The following THSD4 variants were observed in gnomAD, a reference collection of about 807,000 sequenced individuals.
The protein encoded by THSD4 is thrombospondin type-1 domain-containing protein 4.
Under a neutral mutation model 119.0 loss-of-function variants are expected in THSD4, and 69 were observed. The ratio of observed to expected loss-of-function variants is 0.58; its 90% CI spans 0.48 to 0.71. THSD4 has a LOEUF of 0.71. Among genes scored for constraint, THSD4 ranks in the 30% least tolerant of loss-of-function variants. The pLI, the probability that THSD4 is intolerant of heterozygous loss-of-function variation, is 0.00. For missense variants in THSD4, 1,393 were observed against 1,391.1 expected (o/e 1.00, Z -0.02); for synonymous variants, 524 against 540.4 (o/e 0.97, Z 0.42).
chr15:71,615,972 G>C (rs1248401017), intron 7 of THSD4, among the ~76,000 whole-genome samples: 2 of 152,188 alleles, frequency 1.3e-5, no homozygotes, highest in Non-Finnish European at 2.9e-5. Context: ...GAGGCTCCTT[G>C]AGAGCAGAAA....
intron 6 of THSD4, among the ~76,000 whole-genome samples, chr15:71,305,297 C>G (rs550624936): frequency 6.2e-5 from 9 of 144,046 alleles, no homozygotes; most frequent in Admixed American, 3.4e-4. Context: ...GGACCCCCTG[C>G]GATCTACTCT....
At chr15:71,665,347 GT>G (rs71154792) in intron 8 of THSD4, among the ~76,000 whole-genome samples, 142,758 of 151,878 alleles carry the variant, frequency 0.94, 67,746 homozygotes, top group East Asian at 1. Context: ...TAATGGGGTT[GT>G]TTTTTTTTCC....
intron 8 of THSD4, among the ~76,000 whole-genome samples, chr15:71,721,073 T>C (rs946472814): frequency 3.3e-5 from 5 of 152,136 alleles, no homozygotes; most frequent in African/African-American, 1.2e-4. Flanking sequence ...GGCATTAAGA[T>C]TATGGGATTA....
intron 7 of THSD4, among the ~76,000 whole-genome samples, chr15:71,629,313 A>G (rs1206292386): frequency 6.6e-6 from 1 of 152,168 alleles, no homozygotes; most frequent in African/African-American, 2.4e-5. Flanking sequence ...GATTGCAACA[A>G]ACTGGGCCTC....
At position 71,215,125 on chromosome 15, in the gene THSD4, G is replaced by A; in HGVS notation, c.190G>A (p.Ala64Thr). 1.5e-6 allele frequency: 2 copies of A among 1,364,854 alleles called. No individual in the cohort carries two copies. Among genetic ancestry groups the A allele is most frequent in the East Asian group, 3.2e-5 (1 of 31,400 alleles). The allele number at this position is 1,364,854 out of a possible 1,614,324, so 84.5% of individuals were successfully genotyped here. The change falls in exon 4 of 18, where the codon GCC becomes ACC. Residue 64 changes from alanine to threonine, a missense_variant. By Grantham distance (58) the Ala-to-Thr change is moderately conservative (BLOSUM62 0). Coordinates refer to ENST00000261862, the MANE Select transcript of THSD4 (RefSeq NM_024817.3). ...GTGGGGCGCCTGGGGCCCCTGGTCG[G>A]CCTGCTCGCGTAGCTGCAGCGGCGG... ...GVWGAWGPWS[A>T]CSRSCSGGVM...
intron 3 of THSD4, among the ~76,000 whole-genome samples, chr15:71,169,072 C>T (rs2043325296): frequency 6.6e-6 from 1 of 152,036 alleles, no homozygotes; most frequent in South Asian, 2.1e-4. Flanking sequence ...GATTTTTATT[C>T]AGAATATATA....
At chr15:71,335,949 G>T (rs995842080) in intron 6 of THSD4, among the ~76,000 whole-genome samples, 1 of 152,178 alleles carries the variant, frequency 6.6e-6, no homozygotes, top group African/African-American at 2.4e-5. Flanking sequence ...GTCGGGGAAT[G>T]ATGTGGAAGG....
At chr15:71,216,181 A>G (rs2043930940) in intron 4 of THSD4, among the ~76,000 whole-genome samples, 2 of 152,254 alleles carry the variant, frequency 1.3e-5, no homozygotes, top group African/African-American at 4.8e-5. Context: ...GGAGAATACT[A>G]ATGCAAAAAC....
At chr15:71,660,848 G>C in intron 8 of THSD4, 114 bp downstream of exon 8, 1 of 1,190,212 alleles carries the variant, frequency 8.4e-7, no homozygotes. Flanking sequence ...TGCAGGCAGT[G>C]CCCCTGGGGA....
At chr15:71,563,175 C>T (rs1299571567) in intron 7 of THSD4, among the ~76,000 whole-genome samples, 1 of 152,128 alleles carries the variant, frequency 6.6e-6, no homozygotes, top group East Asian at 1.9e-4. Flanking sequence ...TGCGTGAGTA[C>T]AGCGCATGTT....
At chr15:71,436,012 C>A (rs1595764769) in intron 7 of THSD4, among the ~76,000 whole-genome samples, 1 of 152,188 alleles carries the variant, frequency 6.6e-6, no homozygotes, top group South Asian at 2.1e-4. Context: ...GAAAATCACA[C>A]CCCCAGAGGC....
At chr15:71,394,463 G>A (rs2046418823) in intron 6 of THSD4, among the ~76,000 whole-genome samples, 1 of 152,056 alleles carries the variant, frequency 6.6e-6, no homozygotes, top group African/African-American at 2.4e-5. Flanking sequence ...AGTAGAGACG[G>A]TGTTTCACCA....
chr15:71,242,838 C>A lies in THSD4; in HGVS notation c.654C>A (p.Val218=). The change falls in exon 5 of 18, where the codon GTC becomes GTA. Residue 218 remains valine, a synonymous_variant. Coordinates refer to ENST00000261862, the MANE Select transcript of THSD4 (RefSeq NM_024817.3). The part of the protein sequence containing the change: ...RHGYSSPAHQ[V]PQHGPLYQSD... ...GCTACAGTTCACCAGCCCACCAGGTCCCCCAACATGGGCCTTTGTACCAAA... is the reference window on the plus strand; with the variant it reads ...GCTACAGTTCACCAGCCCACCAGGTACCCCAACATGGGCCTTTGTACCAAA... The A allele has an allele frequency of 6.2e-7, 1 of 1,614,212 alleles. No individual in the cohort carries two copies. Among genetic ancestry groups the A allele is most frequent in the Non-Finnish European group, 8.5e-7 (1 of 1,180,036 alleles).
At chr15:71,285,285 C>A (rs1187180219) in intron 6 of THSD4, among the ~76,000 whole-genome samples, 1 of 152,144 alleles carries the variant, frequency 6.6e-6, no homozygotes, top group Non-Finnish European at 1.5e-5. Flanking sequence ...AGCCTCCCAG[C>A]CAACTGGAAG....
intron 7 of THSD4, among the ~76,000 whole-genome samples, chr15:71,629,276 CA>C (rs1226058658): frequency 1.2e-4 from 19 of 152,330 alleles, no homozygotes; most frequent in African/African-American, 4.6e-4. Context: ...TGACAGCCTT[CA>C]GGTCTCCCAG....
At chr15:71,703,609 G>A (rs2052335174) in intron 8 of THSD4, among the ~76,000 whole-genome samples, 1 of 152,142 alleles carries the variant, frequency 6.6e-6, no homozygotes. Flanking sequence ...ACTGGGGACA[G>A]GGCCTCAAGG....
intron 2 of THSD4, among the ~76,000 whole-genome samples, chr15:71,145,400 T>G (rs2040647937): frequency 6.6e-6 from 1 of 152,122 alleles, no homozygotes; most frequent in African/African-American, 2.4e-5. Flanking sequence ...TGAGGGAGAC[T>G]TCTGGATTAT....
intron 8 of THSD4, among the ~76,000 whole-genome samples, chr15:71,715,948 C>T (rs1177102336): frequency 1.3e-5 from 2 of 152,146 alleles, no homozygotes; most frequent in Non-Finnish European, 2.9e-5. Context: ...GTATTAGTTA[C>T]CTGTGGCTGC....
chr15:71,464,773 C>T (rs1370763683), intron 7 of THSD4, among the ~76,000 whole-genome samples: 1 of 152,118 alleles, frequency 6.6e-6, no homozygotes, highest in Non-Finnish European at 1.5e-5. Flanking sequence ...AGAGAAGTCC[C>T]AGAATCCTTA....
Sources: gnomAD v4.1 joint callset for allele counts (sites outside exome capture counted in the v4.1 genomes callset) on GRCh38, gnomAD v4.1.1 for gene constraint, MANE v1.5 for transcripts, NCBI Gene and HGNC (gene_info 2026-07-23, HGNC 2026-07-21) for gene names.